Variants in RNF157 observed in about 807,000 individuals in gnomAD.
The protein encoded by RNF157 is E3 ubiquitin ligase RNF157.
Under a neutral mutation model 88.3 loss-of-function variants are expected in RNF157, and 55 were observed. The ratio of observed to expected loss-of-function variants is 0.62; its 90% confidence interval spans 0.50 to 0.78. The LOEUF is 0.78. RNF157 is among the 30% of genes least tolerant of loss of function. RNF157 has a pLI of 0.00. For synonymous variants in RNF157, 334 were observed against 341.2 expected (o/e 0.98, Z 0.23); for missense variants, 788 against 860.8 (o/e 0.92, Z 1.06).
At chr17:76,234,021 C>T (rs1424136849) in intron 1 of RNF157, among the ~76,000 whole-genome samples, 3 of 152,148 alleles carry the variant, frequency 2.0e-5, no homozygotes, top group Non-Finnish European at 4.4e-5. Context: ...TCTCCCTCTC[C>T]TCAGCCTCTG....
intron 3 of RNF157, among the ~76,000 whole-genome samples, chr17:76,168,270 T>G (rs1008015416): frequency 1.3e-5 from 2 of 152,204 alleles, no homozygotes; most frequent in Admixed American, 1.3e-4. Context: ...TTCCTCACTG[T>G]GCTCCATGTA....
rs1410007143 is a variant in RNF157 at position 76,171,829 on chromosome 17, AGC to A, written c.296+1871_296+1872del. Among the ~76,000 whole-genome samples, 12 of 152,358 alleles carry A rather than the reference AGC, an allele frequency of 7.9e-5. 1 individual carries two copies. Among genetic ancestry groups the A allele is most frequent in the African/African-American group, 2.9e-4 (12 of 41,586 alleles). Reference sequence around the variant, plus strand: ...TGCTGCTTCCAAGTCTGGTTCTTCTAGCGCATGACAGCTGCTTCATCCTATTC... The same window carrying A: ...TGCTGCTTCCAAGTCTGGTTCTTCTAGCATGACAGCTGCTTCATCCTATTC... On this transcript the variant is annotated intron_variant, in intron 3 of 18. Coordinates refer to ENST00000269391, the MANE Select transcript of RNF157 (RefSeq NM_052916.3).
chr17:76,161,410 G>T lies in RNF157; in HGVS notation c.1065+125C>A. On this transcript the variant is annotated intron_variant, in intron 11 of 18. Coordinates refer to ENST00000269391, the MANE Select transcript of RNF157 (RefSeq NM_052916.3). This position sits in a 1 kb window ranked among gnomAD's most constrained non-coding sequence, Gnocchi z 4.6. The stretch of plus-strand genomic sequence containing the variant: ...TTTAACGCATGCTCTCAGCCGGCTT[G>T]CTAAATACTGCAGCATGCCCTGGTC... 1 of 768,468 alleles carries T rather than the reference G, an allele frequency of 1.3e-6. No individual in the cohort carries two copies. The highest frequency in any genetic ancestry group is 1.5e-5 in the South Asian group (1 of 65,552). 47.6% of individuals were successfully genotyped at this position (768,468 alleles called of 1,614,324 possible). A position where few individuals can be genotyped will look rare whatever the true frequency, so the allele number is the denominator to read the frequency against.
Position 76,146,575 on chromosome 17 carries a change from G to A in RNF157, c.1922-1222C>T, listed in dbSNP as rs553408780. ...CCGGACCCTGTGGGCCTCCCCAGCCGTGTCTCCCAGTGGCCTCCCCTCACG... is the reference window on the plus strand; with the variant it reads ...CCGGACCCTGTGGGCCTCCCCAGCCATGTCTCCCAGTGGCCTCCCCTCACG... On this transcript the variant is annotated intron_variant, in intron 18 of 18. Transcript: ENST00000269391. The surrounding 1 kb of genome is among the most constrained non-coding windows in gnomAD (Gnocchi z 4.2). 8.1e-6 allele frequency: 8 copies of A among 985,442 alleles called. No individual in the cohort carries two copies. Among genetic ancestry groups the A allele is most frequent in the East Asian group, 1.1e-4 (1 of 8,812 alleles). The allele number at this position is 985,442 out of a possible 1,614,324, so 61.0% of individuals were successfully genotyped here.
At chr17:76,148,425 C>A (rs2144789151) in intron 18 of RNF157, among the ~76,000 whole-genome samples, 1 of 152,114 alleles carries the variant, frequency 6.6e-6, no homozygotes, top group Non-Finnish European at 1.5e-5. Flanking sequence ...CGCCACCACG[C>A]CTGGCTAATT....
chr17:76,185,749 G>T (rs569328939), intron 2 of RNF157, among the ~76,000 whole-genome samples: 1 of 152,184 alleles, frequency 6.6e-6, no homozygotes, highest in East Asian at 1.9e-4. Flanking sequence ...GATTACAGGC[G>T]TGAGCCACCG....
At chr17:76,188,874 T>C (rs1345506583) in intron 2 of RNF157, among the ~76,000 whole-genome samples, 3 of 152,198 alleles carry the variant, frequency 2.0e-5, no homozygotes, top group Non-Finnish European at 2.9e-5. Context: ...CAGCAATAAG[T>C]CATGTGATAT....
At chr17:76,200,462 C>T (rs575928921) in intron 2 of RNF157, among the ~76,000 whole-genome samples, 1 of 152,242 alleles carries the variant, frequency 6.6e-6, no homozygotes, top group South Asian at 2.1e-4. Context: ...ATAAGCCAGT[C>T]ACAAAAGAAC....
At chr17:76,172,216 G>A (rs2069025302) in intron 3 of RNF157, among the ~76,000 whole-genome samples, 1 of 152,078 alleles carries the variant, frequency 6.6e-6, no homozygotes, top group African/African-American at 2.4e-5. Flanking sequence ...GGTTACTTAG[G>A]GCTGGGAGGA....
chr17:76,219,079 T>C (rs2069938495), intron 1 of RNF157, among the ~76,000 whole-genome samples: 1 of 152,080 alleles, frequency 6.6e-6, no homozygotes, highest in South Asian at 2.1e-4. Context: ...AGGAGATACT[T>C]CAAATGCTGG....
intron 13 of RNF157, among the ~76,000 whole-genome samples, chr17:76,158,148 C>T (rs1598391449): frequency 6.6e-6 from 1 of 152,052 alleles, no homozygotes; most frequent in Middle Eastern, 3.4e-3. Flanking sequence ...ATAAATGCTA[C>T]AAGGGCAGGG....
Position 76,221,037 on chromosome 17 carries a change from C to T in RNF157, c.89-8555G>A, listed in dbSNP as rs2069974736. Among the ~76,000 whole-genome samples the T allele has an allele frequency of 2.0e-5, 3 of 152,068 alleles. No individual in the cohort carries two copies. In the South Asian group the frequency reaches 6.2e-4, roughly 32 times the overall value. On this transcript the variant is annotated intron_variant, in intron 1 of 18. Coordinates refer to ENST00000269391, the MANE Select transcript of RNF157 (RefSeq NM_052916.3). ...TCAGGAGGCTGAGGCGGGAGAATTA[C>T]TTGAACTCAGTAGGTCAAGGCTGCA...
At chr17:76,188,183 T>A (rs1412945344) in intron 2 of RNF157, among the ~76,000 whole-genome samples, 2 of 152,220 alleles carry the variant, frequency 1.3e-5, no homozygotes, top group African/African-American at 2.4e-5. Flanking sequence ...AGGTTCTAGA[T>A]GGTGAACACC....
At chr17:76,225,965 T>C in intron 1 of RNF157, 1 of 1,611,278 alleles carries the variant, frequency 6.2e-7, no homozygotes, top group Non-Finnish European at 8.5e-7. Context: ...TTTTTTCAGC[T>C]TCTTATCCAG....
Position 76,230,473 on chromosome 17 carries a change from G to A in RNF157, c.88+9680C>T, listed in dbSNP as rs576975541. On this transcript the variant is annotated intron_variant, in intron 1 of 18. Coordinates refer to ENST00000269391, the MANE Select transcript of RNF157 (RefSeq NM_052916.3). ...GCCTTTTCCAAGTTCAATTACAATG[G>A]GTTATCTTCTAAGAGTTTCCTACCA... Among the ~76,000 whole-genome samples the A allele has an allele frequency of 9.2e-4, 140 of 152,224 alleles. 4 individuals are homozygous for A. The South Asian group carries it at 0.028, about 31-fold the overall frequency.
rs2068786245 is a variant in RNF157, at chr17:76,157,582, A to G, written c.1413+811T>C. On this transcript the variant is annotated intron_variant, in intron 13 of 18. Coordinates refer to ENST00000269391, the MANE Select transcript of RNF157 (RefSeq NM_052916.3). This position sits in a 1 kb window ranked among gnomAD's most constrained non-coding sequence, Gnocchi z 5.6. ...TTTTCCATCTCTGACACAGCAATTT[A>G]TCGTCTCTGTTTTGGGCATACTTCT... Among the ~76,000 whole-genome samples the G allele has an allele frequency of 1.3e-5, 2 of 152,196 alleles. No individual in the cohort carries two copies. Among genetic ancestry groups the G allele is most frequent in the South Asian group, 4.1e-4 (2 of 4,836 alleles).
At position 76,158,511 on chromosome 17, in the gene RNF157, TC is replaced by T; in HGVS notation, c.1305-11del. 6.3e-7 allele frequency: 1 copy of T among 1,591,340 alleles called. No individual in the cohort carries two copies. Among genetic ancestry groups the T allele is most frequent in the Non-Finnish European group, 8.6e-7 (1 of 1,159,794 alleles). On this transcript the variant is annotated splice_polypyrimidine_tract_variant and intron_variant, in intron 12 of 18. Transcript: ENST00000269391. ...GTTTTGGGAAGTGGATCTGTAGGAG[TC>T]CAGTGGAAAAGCAGCTATATCCAAC...
intron 13 of RNF157, chr17:76,156,524 G>A (rs1410994756): frequency 5.6e-5 from 55 of 985,118 alleles, no homozygotes; most frequent in African/African-American, 7.0e-5. Context: ...CAGGGGAGGC[G>A]CACACTTCAG....
At chr17:76,238,291 G>A (rs1164213940) in intron 1 of RNF157, among the ~76,000 whole-genome samples, 1 of 152,192 alleles carries the variant, frequency 6.6e-6, no homozygotes, top group East Asian at 1.9e-4. Context: ...ACAGAGACAG[G>A]ATGTTCTGAT....
Sources: allele counts gnomAD v4.1 joint callset (sites outside exome capture counted in the v4.1 genomes callset), GRCh38; gene constraint gnomAD v4.1.1; non-coding constraint Gnocchi (gnomAD v3.1); transcripts MANE v1.5; gene names NCBI Gene and HGNC (gene_info 2026-07-23, HGNC 2026-07-21).